The following KIF7 variants were observed in gnomAD, a reference collection of about 807,000 sequenced individuals.
KIF7 encodes the protein kinesin family member 7, also known as kinesin-like protein KIF7.
In KIF7, 104 loss-of-function variants were observed where a neutral mutation model predicts 135.7. The ratio of observed to expected loss-of-function variants is 0.77; its 90% CI spans 0.65 to 0.90. KIF7 has a LOEUF of 0.90. Among genes scored for constraint, KIF7 ranks in the 40% least tolerant of loss-of-function variants. The probability of loss-of-function intolerance (pLI) is 0.00; values close to 1 mark genes in which losing one functional copy is unlikely to be tolerated. For missense variants in KIF7, 2,005 were observed against 1,839.1 expected (o/e 1.09, Z -1.65); for synonymous variants, 883 against 809.4 (o/e 1.09, Z -1.54).
intron 2 of KIF7, among the ~76,000 whole-genome samples, 153 bp downstream of exon 2, chr15:89,652,450 G>T (rs1048173355): frequency 1.3e-5 from 2 of 152,178 alleles, no homozygotes; most frequent in Non-Finnish European, 2.9e-5. Context: ...GCTGGTCCCA[G>T]CCTGGGCCAC....
At chr15:89,648,210 C>T (rs1013237873) in intron 5 of KIF7, 45 bp downstream of exon 5, 1 of 1,452,776 alleles carries the variant, frequency 6.9e-7, no homozygotes, top group East Asian at 2.7e-5. Context: ...CTCTCCACCA[C>T]TCCCCACTGC....
intron 11 of KIF7, among the ~76,000 whole-genome samples, chr15:89,639,363 A>C (rs946904322): frequency 2.0e-5 from 3 of 147,250 alleles, no homozygotes; most frequent in African/African-American, 5.0e-5. Context: ...CAACCTACAA[A>C]ATGGGAGAAA....
chr15:89,648,219 G>C, intron 5 of KIF7, 36 bp downstream of exon 5: 2 of 1,473,916 alleles, frequency 1.4e-6, no homozygotes, highest in Non-Finnish European at 1.8e-6. Flanking sequence ...ACTCCCCACT[G>C]CCCACAACCA....
upstream of KIF7, among the ~76,000 whole-genome samples, chr15:89,657,204 G>T (rs1003151924): frequency 6.6e-5 from 10 of 151,068 alleles, no homozygotes; most frequent in African/African-American, 2.2e-4. Flanking sequence ...TACTTGGGAG[G>T]TTGAAGTAGG....
intron 1 of KIF7, among the ~76,000 whole-genome samples, chr15:89,622,366 A>G (rs1963441115): frequency 1.3e-5 from 2 of 152,192 alleles, no homozygotes; most frequent in South Asian, 4.1e-4. Context: ...GGAACACTTC[A>G]ACAGGCTTTT....
intron 8 of KIF7, 124 bp downstream of exon 8, chr15:89,645,769 G>A: frequency 7.5e-7 from 1 of 1,333,578 alleles, no homozygotes. Flanking sequence ...GGCAACATGA[G>A]GGCATCCTAG....
chr15:89,630,678 G>T, intron 15 of KIF7, 185 bp from the exon 16 acceptor site: 1 of 655,722 alleles, frequency 1.5e-6, no homozygotes, highest in South Asian at 1.7e-5. Flanking sequence ...CCCAGGGTGA[G>T]CTGGGGGCAC....
intron 1 of KIF7, chr15:89,619,909 G>T (rs1778016368): frequency 6.5e-7 from 1 of 1,532,916 alleles, no homozygotes; most frequent in Non-Finnish European, 8.8e-7. Flanking sequence ...TTTGGGAAAA[G>T]AAGCAAGAAA....
chr15:89,657,400 AT>A (rs1964219137), upstream of KIF7, among the ~76,000 whole-genome samples: 1 of 151,960 alleles, frequency 6.6e-6, no homozygotes, highest in Non-Finnish European at 1.5e-5. Context: ...AAAAACTTTC[AT>A]GTTACAATAA....
At chr15:89,646,505 T>C (rs1191572860) in intron 7 of KIF7, among the ~76,000 whole-genome samples, 1 of 152,174 alleles carries the variant, frequency 6.6e-6, no homozygotes, top group Non-Finnish European at 1.5e-5. Flanking sequence ...GGGGGTGGTC[T>C]GAAAGGTGAT....
rs1337361249 is a variant in KIF7 at position 89,647,771 on chromosome 15, G to A, written c.1444-59C>T. On this transcript the variant is annotated intron_variant, in intron 5 of 18. Transcript: ENST00000394412. ...GGTTGACAGGGCGAGCTGGACACCC[G>A]GCCTCTTCTTGTTTAGCCCTGCTTT... is the stretch of plus-strand genomic sequence containing the variant. 7.0e-6 allele frequency: 9 copies of A among 1,280,442 alleles called. No individual in the cohort carries two copies. The East Asian group carries it at 2.0e-4, about 29-fold the overall frequency. The allele number at this position is 1,280,442 out of a possible 1,614,324, so 79.3% of individuals were successfully genotyped here. A position where few individuals can be genotyped will look rare whatever the true frequency, so the allele number is the denominator to read the frequency against.
chr15:89,643,849 CA>C (rs1381292008), intron 10 of KIF7, among the ~76,000 whole-genome samples: 1 of 141,304 alleles, frequency 7.1e-6, no homozygotes, highest in African/African-American at 2.6e-5. Context: ...CGTGCCACTG[CA>C]CTCCAGCTTG....
Position 89,642,210 on chromosome 15 carries a change from T to A in KIF7, c.2387A>T (p.Gln796Leu), listed in dbSNP as rs746304930. 3 of 1,610,198 alleles carry A rather than the reference T, an allele frequency of 1.9e-6. No homozygotes were observed. The highest frequency in any genetic ancestry group is 3.3e-5 in the Admixed American group (2 of 59,972). ...TGAGGCCCCGAGACTAACCTGCACC[T>A]GGCTCTGGGCCGCAGCGACCCTCCT... The part of the protein sequence containing the change: ...FRRRVAAAQS[Q>L]VQVLKEKKQA... The change falls in exon 11 of 19, where the codon CAG (glutamine) becomes CTG (leucine). Residue 796 changes from glutamine (Q) to leucine (L), a missense_variant. By Grantham distance (113) the Gln-to-Leu change is moderately radical. Transcript: ENST00000394412.
At chr15:89,658,684 G>A (rs555182873), upstream of KIF7, among the ~76,000 whole-genome samples, 17 of 151,810 alleles carry the variant, frequency 1.1e-4, no homozygotes, top group South Asian at 1.5e-3. Flanking sequence ...GCAACACAGC[G>A]AAACCCCATC....
chr15:89,644,985 A>G, intron 10 of KIF7, 28 bp downstream of exon 10: 1 of 1,605,714 alleles, frequency 6.2e-7, no homozygotes, highest in African/African-American at 1.3e-5. Context: ...CCCTCGGGTG[A>G]GAGGCCCACC....
intron 16 of KIF7, 138 bp from the exon 17 acceptor site, chr15:89,629,711 A>G: frequency 8.6e-7 from 1 of 1,164,234 alleles, no homozygotes; most frequent in Non-Finnish European, 1.2e-6. Context: ...CTGAGCCAAG[A>G]CTCAGCCTCA....
At chr15:89,626,888 T>G, downstream of KIF7, 1 of 1,569,862 alleles carries the variant, frequency 6.4e-7, no homozygotes, top group Non-Finnish European at 8.7e-7. Context: ...CCTCTGCAAT[T>G]TAAGCCAATT....
At chr15:89,625,454 T>C (rs1324015809), downstream of KIF7, 2 of 1,613,900 alleles carry the variant, frequency 1.2e-6, no homozygotes, top group Non-Finnish European at 1.7e-6. Flanking sequence ...AGCCTGTCAC[T>C]GCTTGAGTCA....
chr15:89,625,165 C>T, downstream of KIF7: 1 of 1,613,832 alleles, frequency 6.2e-7, no homozygotes, highest in Non-Finnish European at 8.5e-7. Context: ...CAAACCTGAA[C>T]CCACCTATGT....
Sources: gnomAD v4.1 joint callset for allele counts (sites outside exome capture counted in the v4.1 genomes callset) on GRCh38, gnomAD v4.1.1 for gene constraint, MANE v1.5 for transcripts, NCBI Gene and HGNC (gene_info 2026-07-23, HGNC 2026-07-21) for gene names.